The following ARHGAP22 variants were observed in gnomAD, a reference collection of about 807,000 sequenced individuals.
The protein encoded by ARHGAP22 is Rho GTPase activating protein 22, also known as rho GTPase-activating protein 22.
Under a neutral mutation model 59.1 loss-of-function variants are expected in ARHGAP22, and 48 were observed. The observed-to-expected ratio is 0.81, with a 90% CI of 0.64 to 1.03. The LOEUF (loss-of-function observed/expected upper bound fraction) is 1.03, where lower values mean the gene tolerates loss of function less well. Among genes scored for constraint, ARHGAP22 ranks in the 50% least tolerant of loss-of-function variants. The probability of loss-of-function intolerance (pLI) is 0.00; values close to 1 mark genes in which losing one functional copy is unlikely to be tolerated. For missense variants in ARHGAP22, 1,015 were observed against 958.7 expected (o/e 1.06, Z -0.78); for synonymous variants, 445 against 416.4 (o/e 1.07, Z -0.84).
chr10:48,628,857 C>T (rs2061537644), intron 1 of ARHGAP22, among the ~76,000 whole-genome samples: 1 of 152,094 alleles, frequency 6.6e-6, no homozygotes, highest in African/African-American at 2.4e-5. Flanking sequence ...CTTGCCTTCC[C>T]ATCCATCAAC....
At chr10:48,434,025 T>C in the ARHGAP22 span, among the ~76,000 whole-genome samples, 20 of 152,236 alleles carry the variant, frequency 1.3e-4, no homozygotes, top group Non-Finnish European at 8.8e-5. Flanking sequence ...CCTTTAACTA[T>C]CCTTCATCCC....
upstream of ARHGAP22, among the ~76,000 whole-genome samples, chr10:48,654,093 T>TA (rs988866913): frequency 5.3e-5 from 8 of 152,292 alleles, no homozygotes; most frequent in South Asian, 1.0e-3. Flanking sequence ...GAAAGTCAGT[T>TA]AAAAAGAGGG....
Position 48,643,015 on chromosome 10 carries a change from A to C in ARHGAP22, c.52+9219T>G, listed in dbSNP as rs552727097. 3.9e-5 allele frequency among the ~76,000 whole-genome samples: 6 copies of C among 152,370 alleles called. No individual in the cohort carries two copies. The East Asian group carries it at 1.2e-3, about 29-fold the overall frequency. On this transcript the variant is annotated intron_variant, in intron 1 of 9. Transcript: ENST00000435790. ...GCTTATCATCACTGGCCATCAGAGA[A>C]ATGCAAATCAAAACCACAATGAGAT...
At chr10:48,623,264 G>C (rs910916704) in intron 1 of ARHGAP22, among the ~76,000 whole-genome samples, 1 of 152,214 alleles carries the variant, frequency 6.6e-6, no homozygotes, top group Admixed American at 6.5e-5. Flanking sequence ...ACTGTTCTCT[G>C]CTGCCCAGCT....
At chr10:48,480,967 A>T (rs2049248107) in intron 3 of ARHGAP22, among the ~76,000 whole-genome samples, 1 of 152,154 alleles carries the variant, frequency 6.6e-6, no homozygotes, top group South Asian at 2.1e-4. Context: ...GTCCTGGCTG[A>T]GGGCACCACA....
intron 1 of ARHGAP22, among the ~76,000 whole-genome samples, chr10:48,629,074 G>T (rs1188684898): frequency 6.6e-6 from 1 of 152,192 alleles, no homozygotes. Flanking sequence ...CTTCCCAGAT[G>T]GCCCAGGACT....
chr10:48,530,236 CAAAA>C (rs60902650), intron 3 of ARHGAP22, among the ~76,000 whole-genome samples: 716 of 49,038 alleles, frequency 0.015, 3 homozygotes, highest in African/African-American at 0.046. Flanking sequence ...GACTCCATTG[CAAAA>C]AAAAAAAAAA....
intron 1 of ARHGAP22, among the ~76,000 whole-genome samples, chr10:48,650,455 C>T (rs992391686): frequency 1.3e-5 from 2 of 152,090 alleles, no homozygotes; most frequent in African/African-American, 4.8e-5. Context: ...TTAATAGGTA[C>T]AAGGTGATGG....
intron 3 of ARHGAP22, among the ~76,000 whole-genome samples, chr10:48,490,439 GTCAAATGTCCCTTGGAGC>G (rs2134210157): frequency 6.6e-6 from 1 of 152,170 alleles, no homozygotes; most frequent in Non-Finnish European, 1.5e-5. Context: ...TCCATACATT[GTCAAATGTCCCTTGGAGC>G]CCAAATGCCC....
At chr10:48,493,543 T>C (rs2050625270) in intron 3 of ARHGAP22, 4 of 1,525,116 alleles carry the variant, frequency 2.6e-6, no homozygotes, top group South Asian at 2.4e-5. Flanking sequence ...GACACACCTG[T>C]TGGGGTGCAG....
chr10:48,432,501 T>G, the ARHGAP22 span, among the ~76,000 whole-genome samples: 1 of 152,188 alleles, frequency 6.6e-6, no homozygotes, highest in African/African-American at 2.4e-5. Context: ...TCTCTACAAT[T>G]TACTTATAAC....
At chr10:48,499,938 C>A (rs1324641833) in intron 3 of ARHGAP22, among the ~76,000 whole-genome samples, 2 of 152,178 alleles carry the variant, frequency 1.3e-5, no homozygotes, top group Non-Finnish European at 1.5e-5. Context: ...AATAGCATTT[C>A]TTTTTAAACC....
rs1419245317 is a variant in ARHGAP22 at position 48,450,503 on chromosome 10, G to A, written c.1626C>T (p.Ser542=). Residue 542 remains serine, a synonymous_variant, in exon 9 of 10, where the codon TCC becomes TCT. Coordinates refer to ENST00000249601, the MANE Select transcript of ARHGAP22 (RefSeq NM_021226.4). The stretch of plus-strand genomic sequence containing the variant: ...GCTCCAGGGCCCAGTCGGTGTGCAG[G>A]GAACTGCGGGCAGACGAGTCGCTGG... ...CRASDSSARS[S]LHTDWALEPS... The A allele has an allele frequency of 1.6e-5, 24 of 1,530,120 alleles. No individual in the cohort carries two copies. The highest frequency in any genetic ancestry group is 2.1e-5 in the Non-Finnish European group (24 of 1,138,296). The allele number at this position is 1,530,120 out of a possible 1,614,324, so 94.8% of individuals were successfully genotyped here.
chr10:48,594,286 C>T (rs2059937304), intron 1 of ARHGAP22, among the ~76,000 whole-genome samples: 1 of 152,214 alleles, frequency 6.6e-6, no homozygotes, highest in East Asian at 1.9e-4. Flanking sequence ...ATGGGACCAC[C>T]ATCAGGGAAC....
chr10:48,496,238 G>A lies in ARHGAP22; in HGVS notation c.323-16474C>T, dbSNP rs544167608. Among the ~76,000 whole-genome samples, 12 of 152,186 alleles carry A rather than the reference G, an allele frequency of 7.9e-5. No individual in the cohort carries two copies. The South Asian group carries it at 1.7e-3, about 21-fold the overall frequency. On this transcript the variant is annotated intron_variant, in intron 3 of 9. Transcript: ENST00000249601. ...AAGCACAACCATCCCCCTTATGGTCGGTTGTCTTCAGAGGCCTGGACAGTG... is the reference window on the plus strand; with the variant it reads ...AAGCACAACCATCCCCCTTATGGTCAGTTGTCTTCAGAGGCCTGGACAGTG...
chr10:48,437,606 A>G, the ARHGAP22 span: 9 of 152,232 alleles, frequency 5.9e-5, no homozygotes, highest in Non-Finnish European at 1.3e-4. Context: ...TTGTAAAACC[A>G]TTGTGTTGTT....
At chr10:48,443,709 G>A (rs1489029184), downstream of ARHGAP22, 1 of 151,084 alleles carries the variant, frequency 6.6e-6, no homozygotes, top group Non-Finnish European at 1.5e-5. Flanking sequence ...TCCGGGAAAT[G>A]TTGTTACTGA....
At chr10:48,453,544 C>T in intron 7 of ARHGAP22, 119 bp from the exon 8 acceptor site, 2 of 1,466,988 alleles carry the variant, frequency 1.4e-6, no homozygotes, top group Non-Finnish European at 1.9e-6. Flanking sequence ...GGCTTTTGCC[C>T]ACTGGGTGTA....
Position 48,446,505 on chromosome 10 carries a change from C to T in ARHGAP22, c.1983G>A (p.Arg661=), listed in dbSNP as rs2045361037. The T allele has an allele frequency of 6.2e-7, 1 of 1,614,112 alleles. No homozygotes were observed. The highest frequency in any genetic ancestry group is 1.3e-5 in the African/African-American group (1 of 74,924). Residue 661 remains arginine, a synonymous_variant, in exon 10 of 10, where the codon CGG becomes CGA. Coordinates refer to ENST00000249601, the MANE Select transcript of ARHGAP22 (RefSeq NM_021226.4). The part of the protein sequence containing the change: ...MLEIKLRNSE[R]AREDAERRNQ... ...TCCTCCTCTCCGCATCCTCCCGCGC[C>T]CGTTCAGAGTTCCGCAGCTTTATTT...
Sources: gnomAD v4.1 joint callset for allele counts (sites outside exome capture counted in the v4.1 genomes callset) on GRCh38, gnomAD v4.1.1 for gene constraint, MANE v1.5 for transcripts, NCBI Gene and HGNC (gene_info 2026-07-23, HGNC 2026-07-21) for gene names.